The following CENPN variants were observed in gnomAD, a reference collection of about 807,000 sequenced individuals.
The protein encoded by CENPN is interphase centromere complex protein 32.
CENPN carries 36 observed loss-of-function variants against 48.6 expected under a neutral mutation model. That is an observed-to-expected ratio of 0.74 (90% CI 0.57 to 0.98). The LOEUF is 0.98. Ranked by LOEUF, CENPN falls within the 50% of genes least tolerant of loss-of-function variation. The pLI is 0.00. For synonymous variants in CENPN, 166 were observed against 135.2 expected (o/e 1.23, Z -1.58); for missense variants, 439 against 399.2 (o/e 1.10, Z -0.85).
downstream of CENPN, chr16:81,032,477 C>T: frequency 7.6e-7 from 1 of 1,310,488 alleles, no homozygotes; most frequent in Non-Finnish European, 1.1e-6. Context: ...TGATGCCTCC[C>T]CTCCCCACCA....
intron 5 of CENPN, among the ~76,000 whole-genome samples, chr16:81,019,038 T>A (rs893303521): frequency 6.6e-6 from 1 of 152,236 alleles, no homozygotes; most frequent in Non-Finnish European, 1.5e-5. Flanking sequence ...ATCCATGAAG[T>A]GGATTCAAGG....
rs925792183 is a variant in CENPN, at chr16:81,031,471, A to G, written c.*2820A>G. ...CAATTCCTAAGACCTCAATAAAAAC[A>G]CCTTGTCTTGCTGCTTTGCAGTGTG... On this transcript the variant is annotated 3_prime_UTR_variant, in exon 11 of 11. Transcript: ENST00000305850. The G allele has an allele frequency of 6.6e-6, 1 of 152,130 alleles. No individual in the cohort carries two copies. Among genetic ancestry groups the G allele is most frequent in the Non-Finnish European group, 1.5e-5 (1 of 68,026 alleles). The allele number at this position is 152,130 out of a possible 1,614,324, so 9.4% of individuals were successfully genotyped here. A position where few individuals can be genotyped will look rare whatever the true frequency, so the allele number is the denominator to read the frequency against.
intron 5 of CENPN, 69 bp downstream of exon 5, chr16:81,017,903 TA>T: frequency 1.1e-6 from 1 of 893,030 alleles, no homozygotes; most frequent in Non-Finnish European, 1.7e-6. Flanking sequence ...AATTTGCTAC[TA>T]TCATAGTTTT....
In CENPN at chr16:81,029,615, G is replaced by T. The variant is rs183296979; in HGVS notation, c.*964G>T. Among the ~76,000 whole-genome samples, 1 of 151,438 alleles carries T rather than the reference G, an allele frequency of 6.6e-6. No homozygotes were observed. The highest frequency in any genetic ancestry group is 6.6e-5 in the Admixed American group (1 of 15,200). ...TTTTTGAGACAAGTCTCCTTCTATCGCCCAGGCTGGAGTGCAATGGCACAA... is the reference window on the plus strand; with the variant it reads ...TTTTTGAGACAAGTCTCCTTCTATCTCCCAGGCTGGAGTGCAATGGCACAA... On this transcript the variant is annotated 3_prime_UTR_variant, in exon 11 of 11. Coordinates refer to ENST00000305850, the MANE Select transcript of CENPN (RefSeq NM_001100624.3).
rs147334426 is a variant in CENPN, at chr16:81,012,784, G to A, written c.171+674G>A. Among the ~76,000 whole-genome samples, 1,235 of 152,230 alleles carry A rather than the reference G, an allele frequency of 8.1e-3. 15 individuals carry two copies. The highest frequency in any genetic ancestry group is 0.028 in the African/African-American group (1,173 of 41,530). ...TAATTTTTGTATTTTCAGTAGAGAC[G>A]AGGTTTTGCCATGTTGGCCAGGTTG... is the stretch of plus-strand genomic sequence containing the variant. On this transcript the variant is annotated intron_variant, in intron 2 of 10. Transcript: ENST00000305850.
intron 3 of CENPN, chr16:81,016,998 GC>G (rs1482508314): frequency 1.9e-5 from 5 of 268,354 alleles, no homozygotes; most frequent in Non-Finnish European, 3.5e-5. Context: ...GTCCTGTGGG[GC>G]ACAGCATTCC....
At chr16:81,013,375 G>A (rs1157370278) in intron 2 of CENPN, among the ~76,000 whole-genome samples, 1 of 152,218 alleles carries the variant, frequency 6.6e-6, no homozygotes, top group African/African-American at 2.4e-5. Flanking sequence ...TTAGGACTAA[G>A]GCTTGGGAGG....
Position 81,026,508 on chromosome 16 carries a change from G to C in CENPN, c.698-18G>C, listed in dbSNP as rs775700859. Reference sequence around the variant, plus strand: ...TATATTCCTAACGGCTGTTTTATTTGAAATCTTCCACCCATAGTGGATTCA... The same window carrying C: ...TATATTCCTAACGGCTGTTTTATTTCAAATCTTCCACCCATAGTGGATTCA... On this transcript the variant is annotated intron_variant, in intron 8 of 10. Transcript: ENST00000305850. 8.5e-6 allele frequency: 11 copies of C among 1,287,808 alleles called. No individual in the cohort carries two copies. Among genetic ancestry groups the C allele is most frequent in the Non-Finnish European group, 1.2e-5 (11 of 898,576 alleles). The allele number at this position is 1,287,808 out of a possible 1,614,324, so 79.8% of individuals were successfully genotyped here.
chr16:81,009,836 G>C (rs943928797), intron 1 of CENPN, among the ~76,000 whole-genome samples: 1 of 152,220 alleles, frequency 6.6e-6, no homozygotes, highest in African/African-American at 2.4e-5. Context: ...AGGTCTGTGT[G>C]TGCCTTCCTA....
At position 81,029,066 on chromosome 16, in the gene CENPN, A is replaced by G. The variant is rs1027718066; in HGVS notation, c.*415A>G. The G allele has an allele frequency of 1.0e-6, 1 of 987,526 alleles. No individual in the cohort carries two copies. Among genetic ancestry groups the G allele is most frequent in the Admixed American group, 6.1e-5 (1 of 16,340 alleles). The allele number at this position is 987,526 out of a possible 1,614,324, so 61.2% of individuals were successfully genotyped here. ...GATTGATTCTTAAGCTCTGGATCACAGAGAGAAGCAACAAGGAACTATACT... is the reference window on the plus strand; with the variant it reads ...GATTGATTCTTAAGCTCTGGATCACGGAGAGAAGCAACAAGGAACTATACT... On this transcript the variant is annotated 3_prime_UTR_variant, in exon 11 of 11. Coordinates refer to ENST00000305850, the MANE Select transcript of CENPN (RefSeq NM_001100624.3).
chr16:81,028,013 A>G (rs79599609), intron 9 of CENPN, among the ~76,000 whole-genome samples, 158 bp from the exon 10 acceptor site: 4 of 152,070 alleles, frequency 2.6e-5, no homozygotes, highest in Non-Finnish European at 4.4e-5. Context: ...CCTGCCCTCT[A>G]TGTTTGCAGT....
intron 5 of CENPN, among the ~76,000 whole-genome samples, 171 bp from the exon 6 acceptor site, chr16:81,019,929 T>G (rs1245804947): frequency 6.6e-6 from 1 of 150,984 alleles, no homozygotes; most frequent in Non-Finnish European, 1.5e-5. Flanking sequence ...TCACAAAATG[T>G]TTTCCCAAAG....
chr16:81,028,897 G>T lies in CENPN; in HGVS notation c.*246G>T, dbSNP rs1328629692. 5.1e-6 allele frequency: 6 copies of T among 1,174,974 alleles called. No homozygotes were observed. The highest frequency in any genetic ancestry group is 6.3e-6 in the Non-Finnish European group (6 of 951,528). 72.8% of individuals were successfully genotyped at this position (1,174,974 alleles called of 1,614,324 possible). ...AGATGACAGGACATATATATATATG[G>T]CCCCACACTTGACCTTGAGTGCCTG... is the stretch of plus-strand genomic sequence containing the variant. On this transcript the variant is annotated 3_prime_UTR_variant, in exon 11 of 11. Coordinates refer to ENST00000305850, the MANE Select transcript of CENPN (RefSeq NM_001100624.3).
chr16:81,014,261 G>A lies in CENPN; in HGVS notation c.217+80G>A, dbSNP rs1969852296. The A allele has an allele frequency of 2.4e-5, 29 of 1,195,210 alleles. No individual in the cohort carries two copies. In the South Asian group the frequency reaches 3.4e-4, roughly 14 times the overall value. 74.0% of individuals were successfully genotyped at this position (1,195,210 alleles called of 1,614,324 possible). On this transcript the variant is annotated intron_variant, in intron 3 of 10. Transcript: ENST00000305850. ...TTTGTTTCTTTCTTTGTGAGACAGG[G>A]TCTCCCTCTGTCGCCCAGGCTGGAG... is the stretch of plus-strand genomic sequence containing the variant.
At chr16:81,009,629 G>A (rs1436331468) in intron 1 of CENPN, among the ~76,000 whole-genome samples, 5 of 152,060 alleles carry the variant, frequency 3.3e-5, no homozygotes, top group African/African-American at 1.2e-4. Flanking sequence ...CTTTATCTTT[G>A]TCTTACTATC....
chr16:81,023,879 G>A (rs372239634), intron 7 of CENPN: 1 of 152,246 alleles, frequency 6.6e-6, no homozygotes, highest in East Asian at 1.9e-4. Context: ...AGGAGATCAA[G>A]ACCATCCTTG....
At chr16:81,024,581 A>C in intron 7 of CENPN, 134 bp from the exon 8 acceptor site, 1 of 569,580 alleles carries the variant, frequency 1.8e-6, no homozygotes. Context: ...CAGCCAACTC[A>C]GCCAGGATAT....
intron 2 of CENPN, 81 bp from the exon 3 acceptor site, chr16:81,014,055 A>G: frequency 8.6e-7 from 1 of 1,166,890 alleles, no homozygotes; most frequent in Non-Finnish European, 1.3e-6. Flanking sequence ...AGTCTGTTCT[A>G]ACCAATCCTA....
chr16:81,022,901 T>C (rs1970283199), intron 7 of CENPN: 11 of 1,597,124 alleles, frequency 6.9e-6, no homozygotes, highest in East Asian at 2.2e-5. Flanking sequence ...TTGTGTTTTA[T>C]ACCACTCATT....
Sources: gnomAD v4.1 joint callset for allele counts (sites outside exome capture counted in the v4.1 genomes callset) on GRCh38, gnomAD v4.1.1 for gene constraint, MANE v1.5 for transcripts, NCBI Gene and HGNC (gene_info 2026-07-23, HGNC 2026-07-21) for gene names.